SCN9A: variants seen among roughly 807,000 people sequenced by gnomAD.
SCN9A encodes sodium channel protein type 9 subunit alpha.
SCN9A carries 131 observed loss-of-function variants against 187.0 expected under a neutral mutation model. That is an observed-to-expected ratio of 0.70 (90% CI 0.61 to 0.81). The LOEUF (loss-of-function observed/expected upper bound fraction) is 0.81, where lower values mean the gene tolerates loss of function less well. Among genes scored for constraint, SCN9A ranks in the 30% least tolerant of loss-of-function variants. The pLI, the probability that SCN9A is intolerant of heterozygous loss-of-function variation, is 0.00. For missense variants in SCN9A, 2,252 were observed against 2,396.6 expected, an observed-to-expected ratio of 0.94 and a Z score of 1.26; for synonymous variants, 809 against 808.6, an observed-to-expected ratio of 1.00 and a Z score of -0.01.
intron 1 of SCN9A, among the ~76,000 whole-genome samples, chr2:166,312,210 T>C (rs946878605): frequency 5.3e-5 from 8 of 152,318 alleles, no homozygotes; most frequent in East Asian, 3.9e-4. Context: ...ACTAAACTTA[T>C]GTAATATTCT....
At chr2:166,354,240 C>A (rs1432702051) in intron 1 of SCN9A, among the ~76,000 whole-genome samples, 2 of 152,078 alleles carry the variant, frequency 1.3e-5, no homozygotes, top group Non-Finnish European at 2.9e-5. Flanking sequence ...TTTATGGAGG[C>A]TGATATGTGC....
rs1309168684 is a variant in SCN9A, at chr2:166,222,945, C to CAAAAAAAAA, written c.4398+3613_4398+3621dup. ...AACTCCGTCTCAAAAAAAAAAACAA[C>CAAAAAAAAA]AAAAAAAAAAAAAAAAAAAAAAAAA... On this transcript the variant is annotated intron_variant, in intron 24 of 26. Coordinates refer to ENST00000642356, the MANE Select transcript of SCN9A (RefSeq NM_001365536.1). Among the ~76,000 whole-genome samples the CAAAAAAAAA allele has an allele frequency of 4.7e-3, 211 of 44,818 alleles. 30 individuals are homozygous for CAAAAAAAAA. The highest frequency in any genetic ancestry group is 5.9e-3 in the Non-Finnish European group (147 of 25,088). The allele number at this position is 44,818 out of a possible 152,430, so 29.4% of individuals were successfully genotyped here. A position where few individuals can be genotyped will look rare whatever the true frequency, so the allele number is the denominator to read the frequency against.
At chr2:166,369,919 C>T (rs1255172639) in intron 1 of SCN9A, among the ~76,000 whole-genome samples, 3 of 152,064 alleles carry the variant, frequency 2.0e-5, no homozygotes, top group Non-Finnish European at 2.9e-5. Context: ...ATCCTCCAGC[C>T]TCGGCCTCCC....
At chr2:166,297,705 C>A (rs894347457) in intron 7 of SCN9A, among the ~76,000 whole-genome samples, 1 of 151,350 alleles carries the variant, frequency 6.6e-6, no homozygotes, top group African/African-American at 2.4e-5. Flanking sequence ...CGTTGCACAA[C>A]TCTGAGTATA....
chr2:166,251,947 T>G, intron 17 of SCN9A, 62 bp from the exon 18 acceptor site: 2 of 1,568,370 alleles, frequency 1.3e-6, no homozygotes, highest in African/African-American at 1.4e-5. Flanking sequence ...ATATGATATT[T>G]AAGCCTTATT....
intron 17 of SCN9A, among the ~76,000 whole-genome samples, chr2:166,255,391 G>C (rs1696222880): frequency 6.6e-6 from 1 of 151,456 alleles, no homozygotes; most frequent in Admixed American, 6.6e-5. Flanking sequence ...CATGTCCTAA[G>C]TTGTTCACTT....
At chr2:166,237,482 A>G (rs1354310191) in intron 20 of SCN9A, among the ~76,000 whole-genome samples, 1 of 152,124 alleles carries the variant, frequency 6.6e-6, no homozygotes, top group East Asian at 1.9e-4. Flanking sequence ...CATTCTGGAG[A>G]TGAAGGGCAA....
intron 17 of SCN9A, among the ~76,000 whole-genome samples, chr2:166,265,411 A>G (rs1010222668): frequency 1.3e-5 from 2 of 151,910 alleles, no homozygotes; most frequent in African/African-American, 2.4e-5. Flanking sequence ...ATGGCGTTCA[A>G]TTTTTCTTAT....
At chr2:166,287,563 T>C (rs939183969) in intron 10 of SCN9A, among the ~76,000 whole-genome samples, 3 of 152,266 alleles carry the variant, frequency 2.0e-5, no homozygotes, top group African/African-American at 4.8e-5. Flanking sequence ...TTGCAGATGA[T>C]TGCCCTCCCC....
chr2:166,246,687 T>C (rs1053006322), intron 18 of SCN9A, among the ~76,000 whole-genome samples: 1 of 152,060 alleles, frequency 6.6e-6, no homozygotes, highest in Non-Finnish European at 1.5e-5. Flanking sequence ...ATAAGAAAAT[T>C]ATCCCTTTGG....
chr2:166,203,841 T>C, intron 26 of SCN9A, 114 bp downstream of exon 26: 1 of 669,134 alleles, frequency 1.5e-6, no homozygotes, highest in Admixed American at 2.9e-5. Context: ...TCTTTCATTG[T>C]ACTGACTTAC....
At chr2:166,308,842 C>T (rs919262165) in intron 2 of SCN9A, among the ~76,000 whole-genome samples, 1 of 144,484 alleles carries the variant, frequency 6.9e-6, no homozygotes, top group African/African-American at 2.6e-5. Context: ...GGGAGAATGG[C>T]GTGAACCCGG....
intron 18 of SCN9A, among the ~76,000 whole-genome samples, chr2:166,245,351 A>C (rs1695741139): frequency 6.6e-6 from 1 of 152,008 alleles, no homozygotes; most frequent in African/African-American, 2.4e-5. Context: ...TTTTCCTTGG[A>C]GAACCAGTTT....
chr2:166,370,217 A>ATCATCATCATC lies in SCN9A; in HGVS notation c.-51+5479_-51+5480insGATGATGATGA, dbSNP rs1553507690. On this transcript the variant is annotated intron_variant, in intron 1 of 26. Transcript: ENST00000642356. ...AAATAATAATAATAATAATAATAAT[A>ATCATCATCATC]ATAATAATAATAATAATAATCATCA... Among the ~76,000 whole-genome samples, 244 of 77,968 alleles carry ATCATCATCATC rather than the reference A, an allele frequency of 3.1e-3. 2 individuals carry two copies. Among genetic ancestry groups the ATCATCATCATC allele is most frequent in the African/African-American group, 8.2e-3 (150 of 18,376 alleles). The allele number at this position is 77,968 out of a possible 152,430, so 51.2% of individuals were successfully genotyped here. A position where few individuals can be genotyped will look rare whatever the true frequency, so the allele number is the denominator to read the frequency against.
intron 15 of SCN9A, 115 bp downstream of exon 15, chr2:166,278,025 T>A: frequency 2.8e-6 from 2 of 719,818 alleles, no homozygotes; most frequent in Non-Finnish European, 4.4e-6. Flanking sequence ...TTACTAGATA[T>A]CAAGATATAA....
intron 1 of SCN9A, among the ~76,000 whole-genome samples, chr2:166,367,376 C>A (rs1324966778): frequency 3.3e-5 from 5 of 152,174 alleles, no homozygotes; most frequent in Non-Finnish European, 2.9e-5. Context: ...AATTCTCCTG[C>A]CTCAGCCTCC....
Position 166,361,188 on chromosome 2 carries a change from C to A in SCN9A, c.-51+14509G>T, listed in dbSNP as rs550450442. Reference sequence around the variant, plus strand: ...ATAACTTAGCACATTTCCTGTTACACTTTCAGTGCACAATACATTGTAACT... The same window carrying A: ...ATAACTTAGCACATTTCCTGTTACAATTTCAGTGCACAATACATTGTAACT... On this transcript the variant is annotated intron_variant, in intron 1 of 26. Transcript: ENST00000642356. 1.1e-4 allele frequency among the ~76,000 whole-genome samples: 16 copies of A among 150,296 alleles called. No homozygotes were observed. In the South Asian group the frequency reaches 3.2e-3, roughly 30 times the overall value.
At chr2:166,340,476 T>C (rs534357040) in intron 1 of SCN9A, among the ~76,000 whole-genome samples, 2 of 151,864 alleles carry the variant, frequency 1.3e-5, no homozygotes, top group Admixed American at 6.6e-5. Context: ...GTTTTCTTTC[T>C]TTCTCTTTCT....
intron 14 of SCN9A, among the ~76,000 whole-genome samples, chr2:166,278,736 G>A (rs1050283471): frequency 1.3e-5 from 2 of 152,012 alleles, no homozygotes; most frequent in African/African-American, 2.4e-5. Context: ...TACTGTTAGA[G>A]TAATAAAGAA....
Sources: allele counts gnomAD v4.1 joint callset (sites outside exome capture counted in the v4.1 genomes callset), GRCh38; gene constraint gnomAD v4.1.1; transcripts MANE v1.5; gene names NCBI Gene and HGNC (gene_info 2026-07-23, HGNC 2026-07-21).